The following MAPT variants were observed in gnomAD, a reference collection of about 807,000 sequenced individuals.
The protein encoded by MAPT is microtubule associated protein tau, also known as microtubule-associated protein tau.
A neutral mutation model predicts 67.9 loss-of-function variants in MAPT; 34 were observed. The ratio of observed to expected loss-of-function variants is 0.50; its 90% CI spans 0.38 to 0.67. MAPT has a LOEUF of 0.67. Ranked by LOEUF, MAPT falls within the 30% of genes least tolerant of loss-of-function variation. MAPT has a pLI of 0.00. For synonymous variants in MAPT, 456 were observed against 464.5 expected, an observed-to-expected ratio of 0.98 and a Z score of 0.23; for missense variants, 881 against 1,115.2, an observed-to-expected ratio of 0.79 and a Z score of 2.99.
chr17:45,918,429 G>A (rs1027102824), intron 1 of MAPT, among the ~76,000 whole-genome samples: 3 of 152,198 alleles, frequency 2.0e-5, no homozygotes, highest in Non-Finnish European at 4.4e-5. Context: ...GTGTGACCTT[G>A]GGTAAGTAGC....
intron 9 of MAPT, among the ~76,000 whole-genome samples, chr17:46,005,532 C>G (rs1303197364): frequency 6.6e-6 from 1 of 152,170 alleles, no homozygotes; most frequent in Non-Finnish European, 1.5e-5. Context: ...CCACTTGAGC[C>G]CAGGAATTTG....
chr17:45,993,828 G>A, intron 8 of MAPT: 2 of 1,306,130 alleles, frequency 1.5e-6, no homozygotes, highest in Non-Finnish European at 2.2e-6. Context: ...TGGGGCCCCT[G>A]CTGGGCCAGC....
chr17:46,016,703 G>A (rs1365361591), intron 11 of MAPT, among the ~76,000 whole-genome samples: 4 of 152,104 alleles, frequency 2.6e-5, no homozygotes, highest in Middle Eastern at 3.4e-3. Context: ...CCTGGGAGGC[G>A]GAGCTTGCAG....
chr17:45,974,451 A>G (rs2072096366), intron 3 of MAPT: 1 of 1,606,866 alleles, frequency 6.2e-7, no homozygotes, highest in Admixed American at 1.7e-5. Flanking sequence ...CCCCACACGG[A>G]GATCCCAGAA....
At chr17:45,991,358 C>A in intron 7 of MAPT, 102 bp from the exon 8 acceptor site, 1 of 1,490,788 alleles carries the variant, frequency 6.7e-7, no homozygotes, top group Non-Finnish European at 9.3e-7. Context: ...CCAGTCTTAG[C>A]CACGTTTTGA....
chr17:45,918,188 A>G (rs1244701855), intron 1 of MAPT, among the ~76,000 whole-genome samples: 1 of 152,182 alleles, frequency 6.6e-6, no homozygotes, highest in African/African-American at 2.4e-5. Flanking sequence ...AGCGCTTGTC[A>G]TTGGTCATCT....
chr17:45,983,616 T>C lies in MAPT; in HGVS notation c.1037T>C (p.Phe346Ser). 2 of 1,613,600 alleles carry C rather than the reference T, an allele frequency of 1.2e-6. No homozygotes were observed. Among genetic ancestry groups the C allele is most frequent in the Non-Finnish European group, 1.7e-6 (2 of 1,180,006 alleles). The change falls in exon 5 of 13, where the codon TTC becomes TCC. Residue 346 changes from phenylalanine (F) to serine (S), a missense_variant. By Grantham distance (155) the Phe-to-Ser change is radical (BLOSUM62 -2). Around this residue, in one of 6 missense-constraint regions of MAPT, gnomAD observed 687 missense variants for 766.1 expected, o/e 0.90. Coordinates refer to ENST00000262410, the MANE Select transcript of MAPT (RefSeq NM_001377265.1). The part of the protein sequence containing the change: ...AEGAIPLPVD[F>S]LSKVSTEIPA... ...GGTGCCATCCCCCTCCCTGTGGATTTCCTCTCCAAAGTTTCCACAGAGATC... is the reference window on the plus strand; with the variant it reads ...GGTGCCATCCCCCTCCCTGTGGATTCCCTCTCCAAAGTTTCCACAGAGATC...
chr17:45,941,845 G>A (rs2068028703), intron 1 of MAPT, among the ~76,000 whole-genome samples: 3 of 151,712 alleles, frequency 2.0e-5, no homozygotes, highest in East Asian at 1.9e-4. Flanking sequence ...TTGGCATTGA[G>A]AGAGGCTGCT....
chr17:45,932,773 C>T (rs552774596), intron 1 of MAPT, among the ~76,000 whole-genome samples: 1 of 152,170 alleles, frequency 6.6e-6, no homozygotes, highest in African/African-American at 2.4e-5. Flanking sequence ...ACACTGAGAT[C>T]GCACCAATTG....
intron 11 of MAPT, among the ~76,000 whole-genome samples, chr17:46,017,751 G>A (rs981713339): frequency 2.2e-4 from 32 of 148,168 alleles, no homozygotes; most frequent in Non-Finnish European, 4.5e-4. Context: ...GAGCCACCAC[G>A]CCCGGCCTGA....
chr17:45,965,007 CTG>C (rs2070893206), intron 2 of MAPT, among the ~76,000 whole-genome samples: 15 of 152,132 alleles, frequency 9.9e-5, no homozygotes, highest in Admixed American at 9.8e-4. Context: ...CTGGGGGAAA[CTG>C]GGATTGGGGG....
chr17:46,024,219 A>AGT lies in MAPT; in HGVS notation c.*52_*53dup. 1 of 1,538,156 alleles carries AGT rather than the reference A, an allele frequency of 6.5e-7. No homozygotes were observed. Among genetic ancestry groups the AGT allele is most frequent in the South Asian group, 1.1e-5 (1 of 89,524 alleles). ...AATTGTGGAGAGGAGAGAATGAGAG[A>AGT]GTGTGGAAAAAAAAAGAATAATGAC... On this transcript the variant is annotated 3_prime_UTR_variant, in exon 13 of 13. Coordinates refer to ENST00000262410, the MANE Select transcript of MAPT (RefSeq NM_001377265.1).
intron 1 of MAPT, among the ~76,000 whole-genome samples, chr17:45,910,530 G>T (rs555472747): frequency 1.3e-5 from 2 of 151,990 alleles, no homozygotes; most frequent in Non-Finnish European, 2.9e-5. Flanking sequence ...AACTGCCAGT[G>T]CCTCACTGCT....
At chr17:45,953,841 CCT>C (rs972078471) in intron 1 of MAPT, among the ~76,000 whole-genome samples, 4 of 152,286 alleles carry the variant, frequency 2.6e-5, no homozygotes, top group Non-Finnish European at 4.4e-5. Flanking sequence ...GGCGCATTGC[CCT>C]GAGTCCTGGG....
chr17:45,993,370 T>G (rs1321977002), intron 8 of MAPT, among the ~76,000 whole-genome samples: 8 of 149,454 alleles, frequency 5.4e-5, no homozygotes, highest in East Asian at 1.9e-4. Context: ...GATCCTGCTG[T>G]TTTTTTTTCA....
intron 4 of MAPT, 44 bp downstream of exon 4, chr17:45,978,484 G>A (rs767697037): frequency 7.9e-6 from 10 of 1,261,780 alleles, no homozygotes; most frequent in Non-Finnish European, 1.0e-5. Context: ...GGGTTGGGGG[G>A]AGGGACATGG....
At chr17:46,023,908 C>CT (rs1271862388) in intron 12 of MAPT, 48 bp from the exon 13 acceptor site, 3 of 1,546,328 alleles carry the variant, frequency 1.9e-6, no homozygotes, top group Non-Finnish European at 1.8e-6. Context: ...CAGGGCTGGT[C>CT]TTTCTCTGGC....
Position 45,988,422 on chromosome 17 carries a change from C to T in MAPT, c.1407+1327C>T, listed in dbSNP as rs547737067. On this transcript the variant is annotated intron_variant, in intron 6 of 12. Coordinates refer to ENST00000262410, the MANE Select transcript of MAPT (RefSeq NM_001377265.1). ...CAAACACCCCCTTCTCCTCCAGGGC[C>T]ATGCCCACCCGTCAAAATCCCCCAC... Among the ~76,000 whole-genome samples the T allele has an allele frequency of 3.9e-5, 6 of 152,278 alleles. No individual in the cohort carries two copies. The East Asian group carries it at 1.2e-3, about 29-fold the overall frequency.
intron 1 of MAPT, among the ~76,000 whole-genome samples, chr17:45,909,181 T>G (rs1261975705): frequency 6.6e-6 from 1 of 151,488 alleles, no homozygotes; most frequent in Non-Finnish European, 1.5e-5. Context: ...GTCATAGCCT[T>G]AGACCACGAA....
Sources: gnomAD v4.1 joint callset for allele counts (sites outside exome capture counted in the v4.1 genomes callset) on GRCh38, gnomAD v4.1.1 for gene constraint, gnomAD v4.1.1 regional missense constraint, MANE v1.5 for transcripts, NCBI Gene and HGNC (gene_info 2026-07-23, HGNC 2026-07-21) for gene names.